Variants in CELSR1 observed in about 807,000 individuals in gnomAD.
CELSR1 encodes the protein adhesion G protein-coupled receptor C1.
CELSR1 carries 110 observed loss-of-function variants against 249.1 expected under a neutral mutation model. The observed-to-expected ratio is 0.44, with a 90% CI of 0.38 to 0.52. The LOEUF is 0.52. Among genes scored for constraint, CELSR1 ranks in the 20% least tolerant of loss-of-function variants. The probability of loss-of-function intolerance (pLI) is 0.00; values close to 1 mark genes in which losing one functional copy is unlikely to be tolerated. For missense variants in CELSR1, 4,109 were observed against 4,296.4 expected (o/e 0.96, Z 1.22); for synonymous variants, 2,113 against 1,900.0 (o/e 1.11, Z -2.92).
rs754458990 is a variant in CELSR1 at position 46,463,740 on chromosome 22, C to A, written c.4150G>T (p.Gly1384Cys). The A allele has an allele frequency of 6.5e-7, 1 of 1,537,614 alleles. No homozygotes were observed. Among genetic ancestry groups the A allele is most frequent in the Non-Finnish European group, 8.7e-7 (1 of 1,143,606 alleles). ...TCCTCGAAGCACTCGCAGGTGTAGC[C>A]GCCCTCGCGGCTGCGGCAGCGGCCG... is the stretch of plus-strand genomic sequence containing the variant. ...ANGRCRSREG[G>C]YTCECFEDFT... is the part of the protein sequence containing the mutation. Residue 1384 changes from glycine to cysteine, a missense_variant, in exon 2 of 35, where the codon GGC becomes TGC. Physicochemically the swap from Gly to Cys is radical, Grantham distance 159. Transcript: ENST00000674500.
At chr22:46,438,560 T>C (rs1158833595) in intron 3 of CELSR1, among the ~76,000 whole-genome samples, 1 of 152,180 alleles carries the variant, frequency 6.6e-6, no homozygotes, top group African/African-American at 2.4e-5. Flanking sequence ...AGGGAAACTG[T>C]TCATAATTGT....
At position 46,507,759 on chromosome 22, in the gene CELSR1, T is replaced by C. The variant is rs545905035; in HGVS notation, c.3544+25868A>G. Reference sequence around the variant, plus strand: ...CTAGAGTACTGGGGAGCCTGTTCAGTGGGGCAGGGGCCCCACTACAGGTGA... The same window carrying C: ...CTAGAGTACTGGGGAGCCTGTTCAGCGGGGCAGGGGCCCCACTACAGGTGA... On this transcript the variant is annotated intron_variant, in intron 1 of 34. Coordinates refer to ENST00000674500, the MANE Select transcript of CELSR1 (RefSeq NM_001378328.1). Among the ~76,000 whole-genome samples the C allele has an allele frequency of 4.3e-3, 652 of 151,690 alleles. 6 individuals are homozygous for C. The highest frequency in any genetic ancestry group is 0.015 in the African/African-American group (620 of 41,400).
rs2079093261 is a variant in CELSR1 at position 46,391,649 on chromosome 22, G to T, written c.6132C>A (p.Thr2044=). ...AACGCGGACCTTCACAGCCGAGCGTGGTGACCTCGGCAAACGGGTTGTCGC... is the reference window on the plus strand; with the variant it reads ...AACGCGGACCTTCACAGCCGAGCGTTGTGACCTCGGCAAACGGGTTGTCGC... The part of the protein sequence containing the change: ...NRCDNPFAEV[T]TLGCEVIYNG... Residue 2044 remains threonine (T), a synonymous_variant, in exon 15 of 35, where the codon ACC becomes ACA. Coordinates refer to ENST00000674500, the MANE Select transcript of CELSR1 (RefSeq NM_001378328.1). This position sits in a 1 kb window ranked among gnomAD's most constrained non-coding sequence, Gnocchi z 4.3. The T allele has an allele frequency of 3.1e-6, 5 of 1,604,056 alleles. No homozygotes were observed. The highest frequency in any genetic ancestry group is 4.2e-6 in the Non-Finnish European group (5 of 1,177,516).
At chr22:46,425,782 C>T (rs1287731693) in intron 5 of CELSR1, among the ~76,000 whole-genome samples, 1 of 152,062 alleles carries the variant, frequency 6.6e-6, no homozygotes, top group African/African-American at 2.4e-5. Context: ...CTGACTGCTG[C>T]TCTTATCTTT....
rs1311414634 is a variant in CELSR1, at chr22:46,472,906, C to T, written c.3545-8561G>A. On this transcript the variant is annotated intron_variant, in intron 1 of 34. Coordinates refer to ENST00000674500, the MANE Select transcript of CELSR1 (RefSeq NM_001378328.1). This position sits in a 1 kb window ranked among gnomAD's most constrained non-coding sequence, Gnocchi z 7.0. ...TCGTCACGGCTCTGTCTTCTGTTCA[C>T]CGCACCGGAAGCCAGTACAGCCTCA... Among the ~76,000 whole-genome samples, 8 of 152,312 alleles carry T rather than the reference C, an allele frequency of 5.3e-5. No individual in the cohort carries two copies. The East Asian group carries it at 9.6e-4, about 18-fold the overall frequency.
chr22:46,378,991 T>A (rs370745211), intron 22 of CELSR1, among the ~76,000 whole-genome samples: 57 of 152,338 alleles, frequency 3.7e-4, no homozygotes, highest in African/African-American at 1.2e-3. Context: ...CTCCCTTCCC[T>A]TCTGTGTCTG....
chr22:46,437,473 T>C lies in CELSR1; in HGVS notation c.4407-1184A>G, dbSNP rs1299838916. Among the ~76,000 whole-genome samples the C allele has an allele frequency of 6.6e-6, 1 of 152,154 alleles. No individual in the cohort carries two copies. Among genetic ancestry groups the C allele is most frequent in the East Asian group, 1.9e-4 (1 of 5,182 alleles). On this transcript the variant is annotated intron_variant, in intron 3 of 34. Coordinates refer to ENST00000674500, the MANE Select transcript of CELSR1 (RefSeq NM_001378328.1). This position sits in a 1 kb window ranked among gnomAD's most constrained non-coding sequence, Gnocchi z 4.9. The stretch of plus-strand genomic sequence containing the variant: ...TTTCTCTGGAGTTAAAATTGATGGT[T>C]TCGGCTGGCCGGTGGCTCACGCCTG...
At chr22:46,529,802 CAA>C (rs879434750) in intron 1 of CELSR1, among the ~76,000 whole-genome samples, 5 of 127,134 alleles carry the variant, frequency 3.9e-5, no homozygotes, top group Non-Finnish European at 3.4e-5. Flanking sequence ...GACTCCATCT[CAA>C]AAAAAAAAAA....
intron 2 of CELSR1, among the ~76,000 whole-genome samples, chr22:46,461,566 T>A (rs2080027686): frequency 6.6e-6 from 1 of 152,176 alleles, no homozygotes. Context: ...GGCTCCTGAC[T>A]CATCTGACAA....
In CELSR1 at chr22:46,391,424, C is replaced by T. The variant is rs2147254871; in HGVS notation, c.6149-137G>A. On this transcript the variant is annotated intron_variant, in intron 15 of 34. Coordinates refer to ENST00000674500, the MANE Select transcript of CELSR1 (RefSeq NM_001378328.1). The surrounding 1 kb of genome is among the most constrained non-coding windows in gnomAD (Gnocchi z 4.3). ...AACCGAACCCTAGCATCTCCCCTGC[C>T]CCCATCCATGTCAGAGCTGGAGAGG... The T allele has an allele frequency of 9.9e-6, 9 of 908,734 alleles. 1 individual carries two copies. The East Asian group carries it at 2.1e-4, about 21-fold the overall frequency. 56.3% of individuals were successfully genotyped at this position (908,734 alleles called of 1,614,324 possible). A position where few individuals can be genotyped will look rare whatever the true frequency, so the allele number is the denominator to read the frequency against.
At chr22:46,389,140 C>G (rs2079061401) in intron 18 of CELSR1, 150 bp downstream of exon 18, 3 of 884,814 alleles carry the variant, frequency 3.4e-6, no homozygotes, top group Admixed American at 4.7e-5. Context: ...ACTGCACCCG[C>G]CAGGGCTCAC....
rs1397864640 is a variant in CELSR1, at chr22:46,512,670, C to T, written c.3544+20957G>A. On this transcript the variant is annotated intron_variant, in intron 1 of 34. Transcript: ENST00000674500. The surrounding 1 kb of genome is among the most constrained non-coding windows in gnomAD (Gnocchi z 5.2). ...GCCTCACCACAGGTCCCCCGCCCCACTCTGCTCCTTCGGATAAGATCCCTC... is the reference window on the plus strand; with the variant it reads ...GCCTCACCACAGGTCCCCCGCCCCATTCTGCTCCTTCGGATAAGATCCCTC... 6.6e-6 allele frequency among the ~76,000 whole-genome samples: 1 copy of T among 152,228 alleles called. No individual in the cohort carries two copies. The highest frequency in any genetic ancestry group is 1.5e-5 in the Non-Finnish European group (1 of 68,040).
At chr22:46,385,311 G>T (rs934692017) in intron 19 of CELSR1, among the ~76,000 whole-genome samples, 4 of 151,984 alleles carry the variant, frequency 2.6e-5, no homozygotes, top group Non-Finnish European at 5.9e-5. Flanking sequence ...GCGCCTGGCT[G>T]GTTTCGAACT....
chr22:46,499,970 C>G (rs1232954539), intron 1 of CELSR1, among the ~76,000 whole-genome samples: 1 of 152,170 alleles, frequency 6.6e-6, no homozygotes, highest in East Asian at 1.9e-4. Context: ...CGGCCGCCCC[C>G]ACCACCCTGA....
Position 46,401,764 on chromosome 22 carries a change from C to T in CELSR1, c.5227-1862G>A, listed in dbSNP as rs1466267364. On this transcript the variant is annotated intron_variant, in intron 9 of 34. Transcript: ENST00000674500. The surrounding 1 kb of genome is among the most constrained non-coding windows in gnomAD (Gnocchi z 4.7). ...GAGGGGTTTACACTAACGATAAAAACGAAAAAGAGCCACCTTTGCAGGACT... is the reference window on the plus strand; with the variant it reads ...GAGGGGTTTACACTAACGATAAAAATGAAAAAGAGCCACCTTTGCAGGACT... 2.0e-5 allele frequency among the ~76,000 whole-genome samples: 3 copies of T among 152,110 alleles called. No homozygotes were observed. Among genetic ancestry groups the T allele is most frequent in the Non-Finnish European group, 4.4e-5 (3 of 68,018 alleles).
chr22:46,467,649 C>T (rs1179124719), intron 1 of CELSR1, among the ~76,000 whole-genome samples: 3 of 151,816 alleles, frequency 2.0e-5, no homozygotes, highest in African/African-American at 7.3e-5. Flanking sequence ...GGTGAAACCC[C>T]GTCTCTACTA....
chr22:46,516,124 TA>T (rs1206545220), intron 1 of CELSR1, among the ~76,000 whole-genome samples: 1 of 152,162 alleles, frequency 6.6e-6, no homozygotes, highest in African/African-American at 2.4e-5. Context: ...CCCAAAGGAT[TA>T]TAAATCATGC....
At chr22:46,455,104 C>A (rs1218956632) in intron 2 of CELSR1, among the ~76,000 whole-genome samples, 1 of 152,168 alleles carries the variant, frequency 6.6e-6, no homozygotes, top group Non-Finnish European at 1.5e-5. Context: ...TCAGATACCA[C>A]CTGGGGCTAC....
chr22:46,443,261 C>T (rs2147488196), intron 2 of CELSR1, among the ~76,000 whole-genome samples: 1 of 152,356 alleles, frequency 6.6e-6, no homozygotes, highest in East Asian at 1.9e-4. Context: ...GGCTCACAGG[C>T]ACCAGAGCTG....
Sources: allele counts gnomAD v4.1 joint callset (sites outside exome capture counted in the v4.1 genomes callset), GRCh38; gene constraint gnomAD v4.1.1; non-coding constraint Gnocchi (gnomAD v3.1); transcripts MANE v1.5; gene names NCBI Gene and HGNC (gene_info 2026-07-23, HGNC 2026-07-21).